Variants in TMC1 observed in about 807,000 individuals in gnomAD.
TMC1 encodes the protein transmembrane channel like 1.
A neutral mutation model predicts 105.8 loss-of-function variants in TMC1; 84 were observed. That is an observed-to-expected ratio of 0.79 (90% CI 0.67 to 0.95). The LOEUF (loss-of-function observed/expected upper bound fraction) is 0.95. Among genes scored for constraint, TMC1 ranks in the 40% least tolerant of loss-of-function variants. TMC1 has a pLI of 0.00. For synonymous variants in TMC1, 315 were observed against 311.5 expected (o/e 1.01, Z -0.12); for missense variants, 817 against 914.1 (o/e 0.89, Z 1.37).
chr9:72,688,097 T>C (rs1826405666), intron 5 of TMC1, among the ~76,000 whole-genome samples: 2 of 152,132 alleles, frequency 1.3e-5, no homozygotes, highest in Admixed American at 1.3e-4. Flanking sequence ...AAGTGTCCTT[T>C]GTCTTGGAAA....
chr9:72,805,591 G>A, intron 18 of TMC1, 81 bp downstream of exon 18: 1 of 1,324,010 alleles, frequency 7.6e-7, no homozygotes, highest in Non-Finnish European at 1.0e-6. Flanking sequence ...GTTTCTCACA[G>A]AGGGGGATTT....
intron 1 of TMC1, among the ~76,000 whole-genome samples, chr9:72,538,807 G>A (rs376267447): frequency 1.3e-5 from 2 of 152,148 alleles, no homozygotes; most frequent in South Asian, 4.2e-4. Context: ...TATCAGAGTC[G>A]GGTTCAAATT....
chr9:72,592,874 T>C (rs1824660497), intron 2 of TMC1, among the ~76,000 whole-genome samples: 1 of 152,204 alleles, frequency 6.6e-6, no homozygotes, highest in African/African-American at 2.4e-5. Context: ...GTTGTTGGTA[T>C]TTACTTAGTA....
At chr9:72,760,104 T>C (rs1430997833) in intron 12 of TMC1, among the ~76,000 whole-genome samples, 3 of 152,204 alleles carry the variant, frequency 2.0e-5, no homozygotes, top group Non-Finnish European at 4.4e-5. Context: ...TTATGCTTTA[T>C]TAAAATATTC....
rs536843384 is a variant in TMC1, at chr9:72,552,723, C to T, written c.-427-25179C>T. Among the ~76,000 whole-genome samples, 6 of 152,210 alleles carry T rather than the reference C, an allele frequency of 3.9e-5. No individual in the cohort carries two copies. The East Asian group carries it at 1.2e-3, about 29-fold the overall frequency. The stretch of plus-strand genomic sequence containing the variant: ...GATTACTTGCTATTTGTGAAACCAA[C>T]CAGCTGACCACTTGTGTTGTTTGTC... On this transcript the variant is annotated intron_variant, in intron 1 of 23. Transcript: ENST00000297784.
At chr9:72,698,855 G>A (rs542864773) in intron 7 of TMC1, among the ~76,000 whole-genome samples, 2 of 152,250 alleles carry the variant, frequency 1.3e-5, no homozygotes, top group South Asian at 2.1e-4. Flanking sequence ...TGGTGATAAG[G>A]ATTCACTTGC....
In TMC1 at chr9:72,721,424, G is replaced by T. The variant is rs557611719; in HGVS notation, c.363-18695G>T. 4.6e-5 allele frequency among the ~76,000 whole-genome samples: 7 copies of T among 152,248 alleles called. No individual in the cohort carries two copies. The East Asian group carries it at 1.2e-3, about 25-fold the overall frequency. On this transcript the variant is annotated intron_variant, in intron 8 of 23. Transcript: ENST00000297784. The stretch of plus-strand genomic sequence containing the variant: ...ATGTATTGATCTTGTTGAATACTTT[G>T]TATTAGCTGGGATTCTAAGCCACAC...
At chr9:72,615,972 T>G (rs557946265) in intron 2 of TMC1, among the ~76,000 whole-genome samples, 7 of 152,224 alleles carry the variant, frequency 4.6e-5, no homozygotes, top group Middle Eastern at 3.4e-3. Context: ...GGTCTCGAAC[T>G]CTTGACCTCA....
intron 1 of TMC1, among the ~76,000 whole-genome samples, chr9:72,562,128 AT>A (rs1427497191): frequency 6.6e-5 from 10 of 152,210 alleles, no homozygotes; most frequent in Non-Finnish European, 1.5e-4. Flanking sequence ...CGTAGTTACC[AT>A]TCTGTCCACT....
chr9:72,754,878 C>T lies in TMC1; in HGVS notation c.735C>T (p.Asp245=), dbSNP rs143404572. ...CAGCAAACTTTGGTGTGTTGTACGACTTCAATGTAAGTGTCTCCACACAAG... is the reference window on the plus strand; with the variant it reads ...CAGCAAACTTTGGTGTGTTGTACGATTTCAATGTAAGTGTCTCCACACAAG... ...ASAANFGVLY[D]FNGLAQYSVL... is the part of the protein sequence containing the mutation. Residue 245 remains aspartate, a synonymous_variant, in exon 12 of 24, where the codon GAC becomes GAT. Transcript: ENST00000297784. The T allele has an allele frequency of 5.4e-5, 87 of 1,612,762 alleles. 1 individual carries two copies. In the African/African-American group the frequency reaches 9.9e-4, roughly 18 times the overall value.
chr9:72,635,703 A>C (rs1346512670), intron 4 of TMC1, among the ~76,000 whole-genome samples: 2 of 152,344 alleles, frequency 1.3e-5, no homozygotes, highest in African/African-American at 4.8e-5. Flanking sequence ...AAGCATAGAA[A>C]GCATAGAAAG....
chr9:72,657,521 G>A (rs548092937), intron 5 of TMC1, among the ~76,000 whole-genome samples: 1 of 152,226 alleles, frequency 6.6e-6, no homozygotes, highest in East Asian at 1.9e-4. Context: ...TTTACATGAT[G>A]TAAACAGGTA....
chr9:72,629,909 A>G (rs1437225326), intron 4 of TMC1, among the ~76,000 whole-genome samples: 1 of 152,096 alleles, frequency 6.6e-6, no homozygotes, highest in Non-Finnish European at 1.5e-5. Flanking sequence ...TCTGTCACCT[A>G]GGCTGGAGTG....
intron 23 of TMC1, among the ~76,000 whole-genome samples, chr9:72,835,634 G>A (rs1829109244): frequency 6.6e-6 from 1 of 151,986 alleles, no homozygotes; most frequent in Non-Finnish European, 1.5e-5. Context: ...TGAAAAATGA[G>A]GAACTCTTTT....
intron 13 of TMC1, among the ~76,000 whole-genome samples, chr9:72,785,156 A>G (rs1016147055): frequency 2.0e-5 from 3 of 152,254 alleles, no homozygotes; most frequent in Non-Finnish European, 4.4e-5. Context: ...AATTTACATT[A>G]GTAGCACCCT....
intron 5 of TMC1, chr9:72,655,695 T>A (rs1825872445): frequency 2.5e-6 from 1 of 397,676 alleles, no homozygotes; most frequent in Admixed American, 3.6e-5. Context: ...TGAGCTGAGA[T>A]CGCGCCACTG....
At chr9:72,794,871 T>C (rs965077628) in intron 17 of TMC1, among the ~76,000 whole-genome samples, 1 of 151,870 alleles carries the variant, frequency 6.6e-6, no homozygotes, top group African/African-American at 2.4e-5. Flanking sequence ...CCAAGGAAAA[T>C]AAGAATCACA....
chr9:72,662,208 A>G (rs1267059365), intron 5 of TMC1, among the ~76,000 whole-genome samples: 4 of 139,784 alleles, frequency 2.9e-5, no homozygotes, highest in Non-Finnish European at 4.6e-5. Flanking sequence ...TTTTTTTGAG[A>G]TAGAGTCTTG....
intron 3 of TMC1, among the ~76,000 whole-genome samples, chr9:72,625,216 G>A (rs149471564): frequency 3.3e-4 from 51 of 152,252 alleles, no homozygotes; most frequent in African/African-American, 1.2e-3. Context: ...AGCTATTAGT[G>A]TCCTTCCACC....
Sources: allele counts gnomAD v4.1 joint callset (sites outside exome capture counted in the v4.1 genomes callset), GRCh38; gene constraint gnomAD v4.1.1; transcripts MANE v1.5; gene names NCBI Gene and HGNC (gene_info 2026-07-23, HGNC 2026-07-21).